The following NCAM2 variants were observed in gnomAD, a reference collection of about 807,000 sequenced individuals.
The protein encoded by NCAM2 is N-CAM-2.
A neutral mutation model predicts 98.1 loss-of-function variants in NCAM2; 30 were observed. The observed-to-expected ratio is 0.31, with a 90% CI of 0.23 to 0.41. The LOEUF (loss-of-function observed/expected upper bound fraction) is 0.41. Among genes scored for constraint, NCAM2 ranks in the 10% least tolerant of loss-of-function variants. NCAM2 has a pLI of 1.00. For missense variants in NCAM2, 867 were observed against 1,005.8 expected (o/e 0.86, Z 1.87); for synonymous variants, 368 against 342.4 (o/e 1.07, Z -0.83).
intron 1 of NCAM2, among the ~76,000 whole-genome samples, chr21:21,142,705 G>A (rs2067195900): frequency 6.6e-6 from 1 of 152,184 alleles, no homozygotes; most frequent in Non-Finnish European, 1.5e-5. Context: ...TTGTAATTAT[G>A]TAAAATGTTT....
At chr21:21,209,896 TATGGTAAGATATTGCGACTAAAACATC>T (rs2069583280) in intron 1 of NCAM2, among the ~76,000 whole-genome samples, 1 of 152,114 alleles carries the variant, frequency 6.6e-6, no homozygotes, top group Admixed American at 6.5e-5. Context: ...AACATGGCAT[TATGGTAAGATATTGCGACTAAAACATC>T]CCGGAAAACT....
At chr21:21,183,043 C>CA (rs1483110563) in intron 1 of NCAM2, among the ~76,000 whole-genome samples, 74 of 152,234 alleles carry the variant, frequency 4.9e-4, no homozygotes, top group African/African-American at 1.7e-3. Flanking sequence ...AGTGACTGTG[C>CA]ATACATTCTG....
At chr21:21,078,230 G>A (rs1456147357) in intron 1 of NCAM2, among the ~76,000 whole-genome samples, 2 of 152,168 alleles carry the variant, frequency 1.3e-5, no homozygotes, top group Admixed American at 1.3e-4. Context: ...GTGCATTCAT[G>A]TATTAGAGTG....
chr21:21,503,983 GT>G (rs1481465470), intron 15 of NCAM2, among the ~76,000 whole-genome samples: 1 of 151,788 alleles, frequency 6.6e-6, no homozygotes, highest in East Asian at 1.9e-4. Flanking sequence ...TTACATTGAT[GT>G]TTTTCATTTA....
At chr21:21,009,710 G>A (rs1368521238) in intron 1 of NCAM2, among the ~76,000 whole-genome samples, 1 of 151,970 alleles carries the variant, frequency 6.6e-6, no homozygotes, top group Non-Finnish European at 1.5e-5. Flanking sequence ...TTAATTAAAA[G>A]TTGATTATTC....
chr21:21,080,760 A>G (rs1178055308), intron 1 of NCAM2, among the ~76,000 whole-genome samples: 3 of 150,864 alleles, frequency 2.0e-5, no homozygotes, highest in Non-Finnish European at 1.5e-5. Flanking sequence ...TGTTGTGACT[A>G]TCCGTGAGCT....
intron 1 of NCAM2, among the ~76,000 whole-genome samples, chr21:21,137,397 A>T (rs2067079143): frequency 1.3e-5 from 2 of 152,220 alleles, no homozygotes; most frequent in African/African-American, 4.8e-5. Flanking sequence ...ATACTTAAAC[A>T]TGTTCCTATA....
chr21:21,091,154 A>G (rs1284304034), intron 1 of NCAM2, among the ~76,000 whole-genome samples: 1 of 152,184 alleles, frequency 6.6e-6, no homozygotes, highest in African/African-American at 2.4e-5. Flanking sequence ...GCATGAATGA[A>G]TGATATCCAA....
At chr21:21,364,327 G>A (rs1029824868) in intron 8 of NCAM2, among the ~76,000 whole-genome samples, 2 of 151,778 alleles carry the variant, frequency 1.3e-5, no homozygotes, top group African/African-American at 4.8e-5. Context: ...ATCATTCAAA[G>A]CTCACAATAT....
intron 1 of NCAM2, among the ~76,000 whole-genome samples, chr21:21,053,026 TA>T (rs780725362): frequency 2.4e-4 from 36 of 152,194 alleles, no homozygotes; most frequent in Admixed American, 3.3e-4. Flanking sequence ...AAATTTATTT[TA>T]CTTACAGCGG....
intron 1 of NCAM2, among the ~76,000 whole-genome samples, chr21:21,074,713 C>A (rs8128423): frequency 0.038 from 5,647 of 148,508 alleles, 331 homozygotes; most frequent in African/African-American, 0.13. Context: ...AGCTAACACT[C>A]GTTCTTTCTT....
At chr21:21,520,923 C>A (rs1281745055) in intron 16 of NCAM2, among the ~76,000 whole-genome samples, 1 of 152,054 alleles carries the variant, frequency 6.6e-6, no homozygotes, top group Non-Finnish European at 1.5e-5. Context: ...AGAATTTTAC[C>A]TTCAGGAGCT....
At chr21:21,193,636 C>T (rs1014055550) in intron 1 of NCAM2, among the ~76,000 whole-genome samples, 4 of 151,640 alleles carry the variant, frequency 2.6e-5, no homozygotes, top group Admixed American at 6.6e-5. Context: ...GCTGGGACTA[C>T]ACAGGCGTGT....
rs1450106654 is a variant in NCAM2 at position 21,538,375 on chromosome 21, A to G, written c.*418A>G. 1.3e-5 allele frequency: 2 copies of G among 152,812 alleles called. No homozygotes were observed. 9.5% of individuals were successfully genotyped at this position (152,812 alleles called of 1,614,324 possible). A position where few individuals can be genotyped will look rare whatever the true frequency, so the allele number is the denominator to read the frequency against. ...CATGTGTATGAGTCCTATTCTGGGC[A>G]AATAGATTCTTAAAGTGGCTTTCAA... On this transcript the variant is annotated 3_prime_UTR_variant, in exon 18 of 18. Transcript: ENST00000400546.
At chr21:21,298,319 TTAA>T (rs754668585) in intron 5 of NCAM2, among the ~76,000 whole-genome samples, 1 of 151,694 alleles carries the variant, frequency 6.6e-6, no homozygotes, top group Non-Finnish European at 1.5e-5. Flanking sequence ...TTAAGTCAGT[TTAA>T]TGAGTGCAAA....
At chr21:21,024,376 G>C (rs2064497489) in intron 1 of NCAM2, among the ~76,000 whole-genome samples, 1 of 151,828 alleles carries the variant, frequency 6.6e-6, no homozygotes, top group Non-Finnish European at 1.5e-5. Context: ...TGTTCTCCAA[G>C]AAATCCTGGG....
chr21:21,167,348 G>A (rs543903882), intron 1 of NCAM2, among the ~76,000 whole-genome samples: 4 of 151,882 alleles, frequency 2.6e-5, no homozygotes, highest in East Asian at 1.9e-4. Context: ...CTATATAATG[G>A]TTTACTCTTT....
Position 21,156,829 on chromosome 21 carries a change from A to G in NCAM2, c.56-123749A>G, listed in dbSNP as rs188407950. Among the ~76,000 whole-genome samples, 62 of 152,220 alleles carry G rather than the reference A, an allele frequency of 4.1e-4. No homozygotes were observed. In the East Asian group the frequency reaches 9.3e-3, roughly 23 times the overall value. ...TACATGTGTAATGTATCTCGCAACA[A>G]AGACCATATAGGAAATATGATCCAG... On this transcript the variant is annotated intron_variant, in intron 1 of 17. Coordinates refer to ENST00000400546, the MANE Select transcript of NCAM2 (RefSeq NM_004540.5).
chr21:21,264,539 G>T (rs546752558), intron 1 of NCAM2, among the ~76,000 whole-genome samples: 2 of 151,520 alleles, frequency 1.3e-5, no homozygotes, highest in Non-Finnish European at 3.0e-5. Context: ...AATGACACCT[G>T]GACTTGTATG....
Sources: allele counts gnomAD v4.1 joint callset (sites outside exome capture counted in the v4.1 genomes callset), GRCh38; gene constraint gnomAD v4.1.1; transcripts MANE v1.5; gene names NCBI Gene and HGNC (gene_info 2026-07-23, HGNC 2026-07-21).